DRC3: variants seen among roughly 807,000 people sequenced by gnomAD.
DRC3 encodes leucine rich repeat containing 48.
DRC3 carries 45 observed loss-of-function variants against 57.6 expected under a neutral mutation model. The ratio of observed to expected loss-of-function variants is 0.78; its 90% CI spans 0.62 to 1.00. The LOEUF (loss-of-function observed/expected upper bound fraction) is 1.00. Among genes scored for constraint, DRC3 ranks in the 50% least tolerant of loss-of-function variants. The pLI is 0.00. For missense variants in DRC3, 655 were observed against 675.2 expected (o/e 0.97, Z 0.33); for synonymous variants, 257 against 272.3 (o/e 0.94, Z 0.55).
At chr17:17,997,179 G>A (rs967573440) in intron 8 of DRC3, among the ~76,000 whole-genome samples, 3 of 152,144 alleles carry the variant, frequency 2.0e-5, no homozygotes, top group Non-Finnish European at 4.4e-5. Flanking sequence ...TGTAGACTCC[G>A]CAATGGTTTC....
intron 12 of DRC3, chr17:18,015,739 T>C (rs1213701188): frequency 1.2e-5 from 3 of 255,256 alleles, no homozygotes; most frequent in Non-Finnish European, 2.3e-5. Flanking sequence ...GAGAGAAGCA[T>C]TGTGAGAACA....
In DRC3 at chr17:18,010,958, GT is replaced by G. The variant is rs1160980625; in HGVS notation, c.1326+3814del. 5 of 243,122 alleles carry G rather than the reference GT, an allele frequency of 2.1e-5. No individual in the cohort carries two copies. In the East Asian group the frequency reaches 5.7e-4, roughly 28 times the overall value. The allele number at this position is 243,122 out of a possible 1,614,324, so 15.1% of individuals were successfully genotyped here. A position where few individuals can be genotyped will look rare whatever the true frequency, so the allele number is the denominator to read the frequency against. ...GATGAGGTTTTTTTTTTGTTTGTTT[GT>G]TTGTTTGTTTGTTTTTGAGACGGAA... On this transcript the variant is annotated intron_variant, in intron 12 of 13. Transcript: ENST00000399187.
intron 5 of DRC3, among the ~76,000 whole-genome samples, chr17:17,992,458 C>T (rs1466656543): frequency 1.3e-5 from 2 of 152,176 alleles, no homozygotes; most frequent in Non-Finnish European, 1.5e-5. Flanking sequence ...TCCTTATACC[C>T]GTTTAACAGA....
At position 17,975,591 on chromosome 17, in the gene DRC3, G is replaced by A. The variant is rs150348642; in HGVS notation, c.-18+1629G>A. Among the ~76,000 whole-genome samples the A allele has an allele frequency of 6.8e-4, 92 of 135,982 alleles. 2 individuals are homozygous for A. In the East Asian group the frequency reaches 0.018, roughly 27 times the overall value. The allele number at this position is 135,982 out of a possible 152,430, so 89.2% of individuals were successfully genotyped here. On this transcript the variant is annotated intron_variant, in intron 2 of 13. Coordinates refer to ENST00000399187, the MANE Select transcript of DRC3 (RefSeq NM_031294.4). ...TATAACACATTAAAATTCCCCCAAA[G>A]ACAAGTTGATGACAAGTTATGGGAA...
At chr17:17,997,100 G>A (rs139801390) in intron 8 of DRC3, among the ~76,000 whole-genome samples, 94 of 152,258 alleles carry the variant, frequency 6.2e-4, no homozygotes, top group Admixed American at 1.2e-3. Flanking sequence ...AGCTGGGACC[G>A]GCTCGCAGGC....
At chr17:17,985,921 C>CT (rs1568471592) in intron 4 of DRC3, among the ~76,000 whole-genome samples, 1 of 151,900 alleles carries the variant, frequency 6.6e-6, no homozygotes, top group Non-Finnish European at 1.5e-5. Context: ...ACCTCAGTTT[C>CT]TTTTTTTTGA....
chr17:18,013,408 A>G (rs2044237078), intron 12 of DRC3, among the ~76,000 whole-genome samples: 2 of 152,256 alleles, frequency 1.3e-5, no homozygotes, highest in South Asian at 2.1e-4. Flanking sequence ...GTGTCCAACA[A>G]CAGATGACTG....
At position 17,983,921 on chromosome 17, in the gene DRC3, A is replaced by G; in HGVS notation, c.254A>G (p.Asn85Ser). The change falls in exon 4 of 14, where the codon AAC becomes AGC. Residue 85 changes from asparagine to serine, a missense_variant. By Grantham distance (46) the Asn-to-Ser change is conservative. Coordinates refer to ENST00000399187, the MANE Select transcript of DRC3 (RefSeq NM_031294.4). ...NIIEKIEGLE[N>S]LAHLVWLDLS... ...ATTGAGAAGATCGAGGGCCTGGAGA[A>G]CCTCGCACACCTGGTCTGGCTGGGT... 1.2e-6 allele frequency: 2 copies of G among 1,612,208 alleles called. No homozygotes were observed. Among genetic ancestry groups the G allele is most frequent in the South Asian group, 2.2e-5 (2 of 91,004 alleles).
intron 7 of DRC3, 141 bp downstream of exon 7, chr17:17,994,559 C>G: frequency 8.2e-7 from 1 of 1,216,832 alleles, no homozygotes; most frequent in South Asian, 1.5e-5. Flanking sequence ...GATGCCCTCT[C>G]CCTTCCTGGC....
intron 4 of DRC3, 82 bp downstream of exon 4, chr17:17,984,026 T>C: frequency 2.3e-6 from 2 of 853,732 alleles, no homozygotes; most frequent in Non-Finnish European, 3.8e-6. Flanking sequence ...AGACAATAAT[T>C]GTGTGCGACA....
chr17:18,016,031 A>G (rs2044349111), intron 12 of DRC3, 33 bp from the exon 13 acceptor site: 2 of 1,610,742 alleles, frequency 1.2e-6, no homozygotes, highest in Admixed American at 3.3e-5. Flanking sequence ...ATAATGACAC[A>G]CACTTTCTCA....
chr17:18,016,399 C>A, intron 13 of DRC3, 159 bp from the exon 14 acceptor site: 1 of 782,874 alleles, frequency 1.3e-6, no homozygotes, highest in Non-Finnish European at 2.0e-6. Context: ...TAATTCCTAC[C>A]TCAAATATAC....
intron 12 of DRC3, among the ~76,000 whole-genome samples, chr17:18,014,738 A>G (rs2044293489): frequency 6.6e-6 from 1 of 152,180 alleles, no homozygotes; most frequent in Non-Finnish European, 1.5e-5. Context: ...ATGGGTTGAC[A>G]CTGTGGTTGT....
In DRC3 at chr17:18,007,136, G is replaced by C. The variant is rs753182537; in HGVS notation, c.1315G>C (p.Asp439His). 1.9e-6 allele frequency: 3 copies of C among 1,598,898 alleles called. No individual in the cohort carries two copies. The East Asian group carries it at 6.8e-5, about 36-fold the overall frequency. ...CGACCTGGACGAGGACCTGCCTAAC[G>C]ACCTGCGCGCGGTAGGCGGGGCGGG... is the stretch of plus-strand genomic sequence containing the variant. ...EGDLDEDLPNDLRALFVDKDT... is the reference protein window; with the variant it reads ...EGDLDEDLPNHLRALFVDKDT... The change falls in exon 12 of 14, where the codon GAC (aspartate) becomes CAC (histidine). Residue 439 changes from aspartate (D) to histidine (H), a missense_variant. Transcript: ENST00000399187.
intron 3 of DRC3, chr17:17,981,143 GA>G: frequency 5.6e-6 from 1 of 179,076 alleles, no homozygotes. Context: ...TTGTACATTA[GA>G]AAAAGAGAGC....
At chr17:17,984,036 A>G (rs1425819047) in intron 4 of DRC3, 92 bp downstream of exon 4, 1 of 773,382 alleles carries the variant, frequency 1.3e-6, no homozygotes, top group African/African-American at 1.7e-5. Context: ...TGTGTGCGAC[A>G]CTCAGCTGCT....
At chr17:17,978,052 A>G (rs2042472946) in intron 3 of DRC3, 2 of 254,092 alleles carry the variant, frequency 7.9e-6, no homozygotes, top group East Asian at 9.1e-5. Context: ...TGCTGTTTCC[A>G]TCACACAACT....
At chr17:17,976,497 T>C (rs957574616) in intron 2 of DRC3, among the ~76,000 whole-genome samples, 1 of 152,100 alleles carries the variant, frequency 6.6e-6, no homozygotes, top group Non-Finnish European at 1.5e-5. Context: ...CTGGCCAACA[T>C]GGTGAAACCC....
intron 9 of DRC3, among the ~76,000 whole-genome samples, chr17:18,001,195 C>T (rs2145390694): frequency 6.6e-6 from 1 of 152,060 alleles, no homozygotes; most frequent in African/African-American, 2.4e-5. Context: ...TCAGACCAGA[C>T]CTTTCTTTTT....
Sources: allele counts gnomAD v4.1 joint callset (sites outside exome capture counted in the v4.1 genomes callset), GRCh38; gene constraint gnomAD v4.1.1; transcripts MANE v1.5; gene names NCBI Gene and HGNC (gene_info 2026-07-23, HGNC 2026-07-21).